The following CAMK1G variants were observed in gnomAD, a reference collection of about 807,000 sequenced individuals.
The protein encoded by CAMK1G is calcium/calmodulin dependent protein kinase IG, also known as calcium/calmodulin-dependent protein kinase type 1G.
Under a neutral mutation model 54.8 loss-of-function variants are expected in CAMK1G, and 27 were observed. The observed-to-expected ratio is 0.49, with a 90% CI of 0.36 to 0.68. The LOEUF is 0.68. Among genes scored for constraint, CAMK1G ranks in the 30% least tolerant of loss-of-function variants. CAMK1G has a pLI of 0.00. For missense variants in CAMK1G, 512 were observed against 591.0 expected, an observed-to-expected ratio of 0.87 and a Z score of 1.39; for synonymous variants, 238 against 224.9, an observed-to-expected ratio of 1.06 and a Z score of -0.52.
chr1:209,599,652 C>T (rs918598278), intron 2 of CAMK1G, among the ~76,000 whole-genome samples: 4 of 152,180 alleles, frequency 2.6e-5, no homozygotes, highest in African/African-American at 9.7e-5. Context: ...GTCTGTCTTC[C>T]CTACTCCAGT....
Position 209,609,949 on chromosome 1 carries a change from G to T in CAMK1G, c.827+20G>T. On this transcript the variant is annotated intron_variant, in intron 9 of 12. Coordinates refer to ENST00000361322, the MANE Select transcript of CAMK1G (RefSeq NM_020439.3). Reference sequence around the variant, plus strand: ...TCCCTGGTGAGTGAGACATGGAGTGGACTCTAGACCCCAGCCCTGTAGTTC... The same window carrying T: ...TCCCTGGTGAGTGAGACATGGAGTGTACTCTAGACCCCAGCCCTGTAGTTC... The T allele has an allele frequency of 6.3e-7, 1 of 1,597,260 alleles. No individual in the cohort carries two copies. Among genetic ancestry groups the T allele is most frequent in the Non-Finnish European group, 8.6e-7 (1 of 1,164,680 alleles).
In CAMK1G at chr1:209,613,516, T is replaced by A. The variant is rs1665839954; in HGVS notation, c.*514T>A. 6.6e-6 allele frequency: 1 copy of A among 152,280 alleles called. No homozygotes were observed. The highest frequency in any genetic ancestry group is 1.5e-5 in the Non-Finnish European group (1 of 68,118). The allele number at this position is 152,280 out of a possible 1,614,324, so 9.4% of individuals were successfully genotyped here. A position where few individuals can be genotyped will look rare whatever the true frequency, so the allele number is the denominator to read the frequency against. On this transcript the variant is annotated 3_prime_UTR_variant, in exon 13 of 13. Coordinates refer to ENST00000361322, the MANE Select transcript of CAMK1G (RefSeq NM_020439.3). ...GCTCATTAATGTCGTTGCCTGCCCA[T>A]CTGCATGAATGACAGGCAGCTCCCC...
intron 11 of CAMK1G, 128 bp downstream of exon 11, chr1:209,612,344 G>C: frequency 1.0e-6 from 1 of 997,254 alleles, no homozygotes; most frequent in Non-Finnish European, 1.5e-6. Context: ...GATGAGTTCT[G>C]GATGAGGGGG....
intron 2 of CAMK1G, among the ~76,000 whole-genome samples, chr1:209,598,059 T>G (rs909162646): frequency 3.3e-5 from 5 of 152,238 alleles, no homozygotes; most frequent in Non-Finnish European, 5.9e-5. Flanking sequence ...GTTAAGTGAC[T>G]TTTTATCCCA....
intron 3 of CAMK1G, among the ~76,000 whole-genome samples, chr1:209,601,996 G>C (rs1057441851): frequency 2.0e-5 from 3 of 152,096 alleles, no homozygotes; most frequent in Non-Finnish European, 2.9e-5. Context: ...GCACAGCCAG[G>C]AGTAAACTTC....
chr1:209,594,851 T>A (rs1665340736), intron 1 of CAMK1G, 104 bp from the exon 2 acceptor site: 2 of 637,782 alleles, frequency 3.1e-6, no homozygotes, highest in East Asian at 5.7e-5. Context: ...TTCCTTCTGA[T>A]AATTACAGAA....
At chr1:209,603,417 C>T (rs1482111409) in intron 4 of CAMK1G, 129 bp downstream of exon 4, 1 of 703,070 alleles carries the variant, frequency 1.4e-6, no homozygotes, top group Non-Finnish European at 2.4e-6. Flanking sequence ...TCAGGAGGCT[C>T]AGAAATGCCA....
Position 209,594,978 on chromosome 1 carries a change from G to A in CAMK1G, c.-6G>A. 6.2e-7 allele frequency: 1 copy of A among 1,613,304 alleles called. No homozygotes were observed. The highest frequency in any genetic ancestry group is 2.2e-5 in the East Asian group (1 of 44,800). On this transcript the variant is annotated 5_prime_UTR_variant, in exon 2 of 13. Coordinates refer to ENST00000361322, the MANE Select transcript of CAMK1G (RefSeq NM_020439.3). ...AGCATCCTCAGAAGCTTCAACTCTG[G>A]AGGCAATGGGTCGAAAGGAAGAAGA...
At chr1:209,586,764 A>G (rs1472649787) in intron 1 of CAMK1G, among the ~76,000 whole-genome samples, 1 of 152,086 alleles carries the variant, frequency 6.6e-6, no homozygotes, top group Non-Finnish European at 1.5e-5. Context: ...AAGGCCCAAT[A>G]TACTTAGCAG....
chr1:209,592,326 T>C (rs1471087677), intron 1 of CAMK1G, among the ~76,000 whole-genome samples: 6 of 127,292 alleles, frequency 4.7e-5, no homozygotes, highest in Non-Finnish European at 9.4e-5. Flanking sequence ...GCCTGGGTAA[T>C]AGAGCAAGAC....
chr1:209,592,679 C>T (rs1399037208), intron 1 of CAMK1G, among the ~76,000 whole-genome samples: 1 of 152,312 alleles, frequency 6.6e-6, no homozygotes, highest in South Asian at 2.1e-4. Flanking sequence ...AGAGCGAAAG[C>T]AAAGATCTGT....
chr1:209,611,742 AG>A, intron 10 of CAMK1G, 49 bp from the exon 11 acceptor site: 1 of 1,588,598 alleles, frequency 6.3e-7, no homozygotes. Context: ...TTAAGCTCCA[AG>A]GCCCTCTGAG....
chr1:209,600,118 G>A lies in CAMK1G; in HGVS notation c.221+7G>A. The A allele has an allele frequency of 3.1e-6, 5 of 1,612,734 alleles. No homozygotes were observed. Among genetic ancestry groups the A allele is most frequent in the African/African-American group, 1.3e-5 (1 of 74,994 alleles). ...AGATTGCTGTGTTGAAAAAGTGAGT[G>A]GGTCTTAGTGTTGACTGGATCACTA... On this transcript the variant is annotated splice_region_variant and intron_variant, in intron 3 of 12. Coordinates refer to ENST00000361322, the MANE Select transcript of CAMK1G (RefSeq NM_020439.3).
At chr1:209,609,634 T>C (rs1406446997) in intron 8 of CAMK1G, among the ~76,000 whole-genome samples, 2 of 152,212 alleles carry the variant, frequency 1.3e-5, no homozygotes, top group African/African-American at 4.8e-5. Context: ...TGCAGTGCTG[T>C]GTGGGTGAGG....
intron 4 of CAMK1G, 55 bp downstream of exon 4, chr1:209,603,343 C>T: frequency 6.9e-7 from 1 of 1,454,270 alleles, no homozygotes. Flanking sequence ...CCTGGGAGGC[C>T]TACAGGAGGT....
intron 2 of CAMK1G, among the ~76,000 whole-genome samples, chr1:209,595,850 C>A (rs1481353215): frequency 6.6e-6 from 1 of 152,226 alleles, no homozygotes; most frequent in Non-Finnish European, 1.5e-5. Flanking sequence ...ACATGGCTGG[C>A]AGATCAGAGA....
chr1:209,599,800 T>C (rs527723519), intron 2 of CAMK1G, among the ~76,000 whole-genome samples, 183 bp from the exon 3 acceptor site: 2 of 152,206 alleles, frequency 1.3e-5, no homozygotes, highest in African/African-American at 2.4e-5. Flanking sequence ...AGAATACAGG[T>C]TCCCCCCTTC....
At position 209,611,569 on chromosome 1, in the gene CAMK1G, A is replaced by G; in HGVS notation, c.915+17A>G. ...AAGTGGAGGGTAAGCTGTCCTCTCC[A>G]GGGGGTGGGAAAGCTGTTCTGGGCC... On this transcript the variant is annotated intron_variant, in intron 10 of 12. Coordinates refer to ENST00000361322, the MANE Select transcript of CAMK1G (RefSeq NM_020439.3). 1 of 1,607,666 alleles carries G rather than the reference A, an allele frequency of 6.2e-7. No homozygotes were observed. Among genetic ancestry groups the G allele is most frequent in the South Asian group, 1.1e-5 (1 of 90,846 alleles).
At chr1:209,600,841 G>A (rs1665509213) in intron 3 of CAMK1G, among the ~76,000 whole-genome samples, 1 of 152,170 alleles carries the variant, frequency 6.6e-6, no homozygotes, top group Non-Finnish European at 1.5e-5. Flanking sequence ...AACTTTGTGG[G>A]GGCAAGAAAG....
Sources: allele counts gnomAD v4.1 joint callset (sites outside exome capture counted in the v4.1 genomes callset), GRCh38; gene constraint gnomAD v4.1.1; transcripts MANE v1.5; gene names NCBI Gene and HGNC (gene_info 2026-07-23, HGNC 2026-07-21).